Variants in WDR62 observed in about 807,000 individuals in gnomAD.
The protein encoded by WDR62 is WD repeat-containing protein 62.
A neutral mutation model predicts 160.6 loss-of-function variants in WDR62; 112 were observed. The observed-to-expected ratio is 0.70, with a 90% CI of 0.60 to 0.82. The LOEUF (loss-of-function observed/expected upper bound fraction) is 0.82, where lower values mean the gene tolerates loss of function less well. Among genes scored for constraint, WDR62 ranks in the 40% least tolerant of loss-of-function variants. The pLI, the probability that WDR62 is intolerant of heterozygous loss-of-function variation, is 0.00. For synonymous variants in WDR62, 792 were observed against 815.1 expected, an observed-to-expected ratio of 0.97 and a Z score of 0.48; for missense variants, 1,819 against 1,983.8, an observed-to-expected ratio of 0.92 and a Z score of 1.58.
At chr19:36,093,189 C>G (rs980618842) in intron 19 of WDR62, among the ~76,000 whole-genome samples, 2 of 152,068 alleles carry the variant, frequency 1.3e-5, no homozygotes, top group Non-Finnish European at 2.9e-5. Context: ...CCTCTCAGCA[C>G]TGTGATGGGG....
At chr19:36,083,324 T>C (rs1364668023) in intron 11 of WDR62, 83 bp downstream of exon 11, 1 of 1,354,708 alleles carries the variant, frequency 7.4e-7, no homozygotes, top group East Asian at 2.5e-5. Context: ...GCCCTGGCCT[T>C]GGCACCTCCT....
chr19:36,086,379 C>G (rs1972231440), intron 12 of WDR62, among the ~76,000 whole-genome samples: 1 of 152,158 alleles, frequency 6.6e-6, no homozygotes, highest in African/African-American at 2.4e-5. Flanking sequence ...ACAGACCCAG[C>G]AGGCAAGAGC....
intron 3 of WDR62, chr19:36,062,623 C>CT (rs1243485763): frequency 2.6e-5 from 3 of 117,646 alleles, no homozygotes; most frequent in Admixed American, 2.2e-4. Flanking sequence ...GCACTCCAGC[C>CT]TGGGTGACAG....
chr19:36,101,299 G>T lies in WDR62; in HGVS notation c.2953G>T (p.Asp985Tyr). The T allele has an allele frequency of 6.2e-7, 1 of 1,611,660 alleles. No homozygotes were observed. Among genetic ancestry groups the T allele is most frequent in the Non-Finnish European group, 8.5e-7 (1 of 1,179,380 alleles). Residue 985 changes from aspartate to tyrosine, a missense_variant, in exon 24 of 32, where the codon GAC (aspartate) becomes TAC (tyrosine). Physicochemically the swap from Asp to Tyr is radical, Grantham distance 160 (BLOSUM62 -3). This residue lies in a region of WDR62 where 770 missense variants were observed against 734.2 expected (regional missense o/e 1.05). Transcript: ENST00000401500. ...YLRVSSDSPK[D>Y]QSPPEDSGES... ...CAGGGTGTCCTCCGACAGCCCAAAG[G>T]ACCAGAGCCCGCCTGAGGGTGAGTG...
At chr19:36,088,151 A>T (rs369025011) in intron 13 of WDR62, among the ~76,000 whole-genome samples, 2 of 152,150 alleles carry the variant, frequency 1.3e-5, no homozygotes, top group African/African-American at 2.4e-5. Flanking sequence ...ATGTCCTGTC[A>T]TGAAGGAGCA....
intron 10 of WDR62, 181 bp downstream of exon 10, chr19:36,081,751 C>T: frequency 2.5e-6 from 2 of 786,134 alleles, no homozygotes; most frequent in Middle Eastern, 2.2e-4. Context: ...CTCCTGCCCC[C>T]TCTCTGAGGT....
intron 18 of WDR62, among the ~76,000 whole-genome samples, chr19:36,091,909 A>G (rs1212025900): frequency 6.6e-6 from 1 of 151,866 alleles, no homozygotes; most frequent in Non-Finnish European, 1.5e-5. Context: ...CTAAAAAAAC[A>G]TATCCCAGCT....
intron 7 of WDR62, 67 bp from the exon 8 acceptor site, chr19:36,071,489 G>A (rs1463618643): frequency 2.5e-6 from 4 of 1,599,084 alleles, no homozygotes; most frequent in African/African-American, 2.7e-5. Context: ...TGCTCTGTCA[G>A]TCCCCATATC....
intron 20 of WDR62, 84 bp downstream of exon 20, chr19:36,094,248 G>A: frequency 6.4e-7 from 1 of 1,571,932 alleles, no homozygotes; most frequent in East Asian, 2.3e-5. Flanking sequence ...TACAGGGCCT[G>A]GCACATATTA....
chr19:36,109,168 T>C (rs1973761274), downstream of WDR62, among the ~76,000 whole-genome samples: 1 of 152,120 alleles, frequency 6.6e-6, no homozygotes, highest in African/African-American at 2.4e-5. Context: ...AATACTCCTC[T>C]CACCAGCAAG....
intron 3 of WDR62, chr19:36,060,539 A>C (rs948838397): frequency 5.6e-6 from 1 of 178,168 alleles, no homozygotes; most frequent in African/African-American, 2.4e-5. Flanking sequence ...AGAAAGGAGC[A>C]GGGAAGATGA....
At chr19:36,090,366 G>A (rs1461978976) in intron 15 of WDR62, 79 bp from the exon 16 acceptor site, 2 of 1,388,830 alleles carry the variant, frequency 1.4e-6, no homozygotes, top group African/African-American at 2.8e-5. Flanking sequence ...CCAGGGGAGG[G>A]GAGGACAGCA....
chr19:36,091,065 C>G (rs534338603), intron 16 of WDR62, 135 bp from the exon 17 acceptor site: 9 of 736,842 alleles, frequency 1.2e-5, no homozygotes, highest in South Asian at 1.0e-4. Context: ...CTTCACGTGT[C>G]GAATGGGAGC....
chr19:36,101,916 G>A (rs1228199391), intron 25 of WDR62, 98 bp from the exon 26 acceptor site: 4 of 1,582,760 alleles, frequency 2.5e-6, no homozygotes, highest in Non-Finnish European at 3.5e-6. Context: ...GCGGGCAACA[G>A]GGCAGGGATG....
At chr19:36,085,270 C>T (rs1435567415) in intron 12 of WDR62, among the ~76,000 whole-genome samples, 1 of 151,996 alleles carries the variant, frequency 6.6e-6, no homozygotes, top group Non-Finnish European at 1.5e-5. Flanking sequence ...TGCCTGCTGC[C>T]ATGCCTGGCC....
chr19:36,058,941 G>C, intron 2 of WDR62, 70 bp downstream of exon 2: 1 of 1,290,050 alleles, frequency 7.8e-7, no homozygotes, highest in Non-Finnish European at 1.1e-6. Context: ...GAAGCCATCC[G>C]TAAATCGCTC....
At position 36,071,562 on chromosome 19, in the gene WDR62, C is replaced by T. The variant is rs141847112; in HGVS notation, c.889C>T (p.Leu297=). ...GTCCCTTTTGCCCCTACAGGTCTCCCTGTCTTCCTGCCTCTGTGTCAGCCA... is the reference window on the plus strand; with the variant it reads ...GTCCCTTTTGCCCCTACAGGTCTCCTTGTCTTCCTGCCTCTGTGTCAGCCA... ...LEKWINLKVS[L]SSCLCVSQEL... The change falls in exon 8 of 32, where the codon CTG becomes TTG. Residue 297 remains leucine, a synonymous_variant. Transcript: ENST00000401500. 1 of 1,614,120 alleles carries T rather than the reference C, an allele frequency of 6.2e-7. No individual in the cohort carries two copies. The highest frequency in any genetic ancestry group is 8.5e-7 in the Non-Finnish European group (1 of 1,180,054).
chr19:36,079,039 C>T (rs1245665012), intron 9 of WDR62, among the ~76,000 whole-genome samples: 1 of 151,714 alleles, frequency 6.6e-6, no homozygotes, highest in Non-Finnish European at 1.5e-5. Context: ...TCCAACTACA[C>T]AAGAAGAACT....
At chr19:36,082,241 G>A (rs927959752) in intron 10 of WDR62, among the ~76,000 whole-genome samples, 4 of 152,218 alleles carry the variant, frequency 2.6e-5, no homozygotes, top group Admixed American at 6.5e-5. Context: ...TCACAAGTGC[G>A]AAAAGCACTG....
Sources: gnomAD v4.1 joint callset for allele counts (sites outside exome capture counted in the v4.1 genomes callset) on GRCh38, gnomAD v4.1.1 for gene constraint, gnomAD v4.1.1 regional missense constraint, MANE v1.5 for transcripts, NCBI Gene and HGNC (gene_info 2026-07-23, HGNC 2026-07-21) for gene names.